Variants in SLC38A11 observed in about 807,000 individuals in gnomAD.
The protein encoded by SLC38A11 is putative sodium-coupled neutral amino acid transporter 11.
A neutral mutation model predicts 49.4 loss-of-function variants in SLC38A11; 51 were observed. The ratio of observed to expected loss-of-function variants is 1.03; its 90% CI spans 0.83 to 1.30. The LOEUF (loss-of-function observed/expected upper bound fraction) is 1.30, where lower values mean the gene tolerates loss of function less well. Among genes scored for constraint, SLC38A11 ranks in the 50% most tolerant of loss-of-function variants. SLC38A11 has a pLI of 0.00. For missense variants in SLC38A11, 574 were observed against 556.2 expected (o/e 1.03, Z -0.32); for synonymous variants, 203 against 192.9 (o/e 1.05, Z -0.43).
chr2:164,895,339 G>C lies in SLC38A11; in HGVS notation c.*3098C>G, dbSNP rs923680612. 6.6e-6 allele frequency among the ~76,000 whole-genome samples: 1 copy of C among 152,140 alleles called. No homozygotes were observed. The highest frequency in any genetic ancestry group is 1.5e-5 in the Non-Finnish European group (1 of 68,010). On this transcript the variant is annotated 3_prime_UTR_variant, in exon 12 of 12. Coordinates refer to ENST00000685975, the MANE Select transcript of SLC38A11 (RefSeq NM_001351537.2). ...CAAATTATTATCCTTGCCACAGTTAGTAAAGCATTCATGGGTACCCTCACT... is the reference window on the plus strand; with the variant it reads ...CAAATTATTATCCTTGCCACAGTTACTAAAGCATTCATGGGTACCCTCACT...
chr2:164,928,639 T>C (rs1573951832), intron 7 of SLC38A11, among the ~76,000 whole-genome samples: 1 of 152,136 alleles, frequency 6.6e-6, no homozygotes, highest in East Asian at 1.9e-4. Context: ...AAATACATTA[T>C]TATTTTATTT....
rs182797321 is a variant in SLC38A11, at chr2:164,954,705, T to G, written c.80A>C (p.Glu27Ala). The G allele has an allele frequency of 1.9e-6, 3 of 1,540,582 alleles. No individual in the cohort carries two copies. The highest frequency in any genetic ancestry group is 2.4e-5 in the South Asian group (2 of 81,866). Residue 27 changes from glutamate (E) to alanine (A), a missense_variant, in exon 2 of 12, where the codon GAG becomes GCG. Glu to Ala is a moderately radical substitution (Grantham distance 107). Coordinates refer to ENST00000685975, the MANE Select transcript of SLC38A11 (RefSeq NM_001351537.2). ...DDRETLVSEH[E>A]YKEKTCQSAA... The stretch of plus-strand genomic sequence containing the variant: ...AGACTGACAGGTTTTCTCTTTATAC[T>G]CATGTTCAGAAACAAGGGTTTCTCT...
At chr2:164,908,535 CA>C in intron 11 of SLC38A11, 104 bp downstream of exon 11, 1 of 1,088,356 alleles carries the variant, frequency 9.2e-7, no homozygotes, top group Non-Finnish European at 1.3e-6. Flanking sequence ...GATTCCACTT[CA>C]AAAGTGACAC....
At chr2:164,936,580 A>G (rs190112946) in intron 7 of SLC38A11, among the ~76,000 whole-genome samples, 300 of 152,264 alleles carry the variant, frequency 2.0e-3, no homozygotes, top group African/African-American at 6.4e-3. Context: ...TTAATGCATT[A>G]TTTATTTATT....
intron 7 of SLC38A11, among the ~76,000 whole-genome samples, chr2:164,925,747 C>T (rs564963161): frequency 1.3e-5 from 2 of 152,240 alleles, no homozygotes; most frequent in East Asian, 3.9e-4. Flanking sequence ...TTGCCCCACT[C>T]CACATTCTAA....
At chr2:164,920,696 A>G (rs1686132783) in intron 7 of SLC38A11, among the ~76,000 whole-genome samples, 1 of 152,144 alleles carries the variant, frequency 6.6e-6, no homozygotes, top group South Asian at 2.1e-4. Context: ...CAGAGATACC[A>G]GAAAGCTACC....
chr2:164,931,241 C>CCA (rs1686979877), intron 7 of SLC38A11, among the ~76,000 whole-genome samples: 2 of 74,786 alleles, frequency 2.7e-5, no homozygotes, highest in East Asian at 4.5e-4. Flanking sequence ...TGATCCCCCA[C>CCA]AAAAAAAAAA....
intron 11 of SLC38A11, among the ~76,000 whole-genome samples, chr2:164,899,971 T>C (rs997259658): frequency 1.3e-5 from 2 of 152,102 alleles, no homozygotes; most frequent in Admixed American, 6.6e-5. Context: ...CCCCTGGTAA[T>C]CACAGTTTTA....
intron 6 of SLC38A11, 65 bp from the exon 7 acceptor site, chr2:164,937,494 G>C: frequency 9.1e-7 from 1 of 1,094,282 alleles, no homozygotes; most frequent in South Asian, 1.3e-5. Context: ...AAAATGTTAA[G>C]TCTTTCTCAT....
At chr2:164,910,815 C>T (rs185149513) in intron 10 of SLC38A11, among the ~76,000 whole-genome samples, 119 of 152,180 alleles carry the variant, frequency 7.8e-4, no homozygotes, top group Admixed American at 2.6e-3. Flanking sequence ...GAAGCAAGAT[C>T]ATGTTTTACT....
intron 11 of SLC38A11, 28 bp downstream of exon 11, chr2:164,908,612 G>A: frequency 6.8e-7 from 1 of 1,463,472 alleles, no homozygotes; most frequent in East Asian, 2.5e-5. Flanking sequence ...ATTTTAGAGT[G>A]AAGGGGTAAA....
chr2:164,945,800 C>A, intron 3 of SLC38A11, 73 bp from the exon 4 acceptor site: 1 of 1,516,968 alleles, frequency 6.6e-7, no homozygotes, highest in South Asian at 1.3e-5. Context: ...ACTTAATTAC[C>A]ATCGAGAAAA....
intron 3 of SLC38A11, among the ~76,000 whole-genome samples, chr2:164,947,301 T>C (rs1183029270): frequency 6.6e-6 from 1 of 151,858 alleles, no homozygotes; most frequent in African/African-American, 2.4e-5. Context: ...CTGGCTAATT[T>C]TTGTATTTTT....
intron 3 of SLC38A11, among the ~76,000 whole-genome samples, chr2:164,947,509 CCT>C (rs1334350877): frequency 6.6e-6 from 1 of 152,040 alleles, no homozygotes; most frequent in African/African-American, 2.4e-5. Flanking sequence ...ATGTTAGTAA[CCT>C]CTAAATTTGT....
intron 7 of SLC38A11, among the ~76,000 whole-genome samples, chr2:164,933,717 A>T (rs1029418156): frequency 2.6e-5 from 4 of 151,990 alleles, no homozygotes; most frequent in Admixed American, 2.0e-4. Flanking sequence ...TGGAGTATTG[A>T]ATTTCTCATG....
Position 164,934,409 on chromosome 2 carries a change from T to C in SLC38A11, c.617+2941A>G, listed in dbSNP as rs182538293. Reference sequence around the variant, plus strand: ...TTAATCTCTTTAAACCAAGAGGCTTTAGAATCTTTGTTCATAGAATCTCCA... The same window carrying C: ...TTAATCTCTTTAAACCAAGAGGCTTCAGAATCTTTGTTCATAGAATCTCCA... On this transcript the variant is annotated intron_variant, in intron 7 of 11. Coordinates refer to ENST00000685975, the MANE Select transcript of SLC38A11 (RefSeq NM_001351537.2). Among the ~76,000 whole-genome samples the C allele has an allele frequency of 1.2e-3, 182 of 152,304 alleles. 1 individual carries two copies. Among genetic ancestry groups the C allele is most frequent in the African/African-American group, 4.3e-3 (177 of 41,568 alleles).
rs559349803 is a variant in SLC38A11 at position 164,945,726 on chromosome 2, G to GTC, written c.230-1_230dup (p.Asp77GlufsTer8). The GTC allele has an allele frequency of 1.5e-4, 233 of 1,604,162 alleles. No individual in the cohort carries two copies. The highest frequency in any genetic ancestry group is 8.3e-4 in the Middle Eastern group (5 of 6,038). ...CTTTTATCAATAAAACAAGGGAAAA[G>GTC]TCTGTGGCAAGAACATCAATTAAAT... is the stretch of plus-strand genomic sequence containing the variant. On this transcript the variant is annotated frameshift_variant and splice_region_variant, in exon 4 of 12. Transcript: ENST00000685975. LOFTEE classifies it high-confidence loss of function.
At chr2:164,927,527 G>C (rs772975153) in intron 7 of SLC38A11, among the ~76,000 whole-genome samples, 4 of 152,030 alleles carry the variant, frequency 2.6e-5, no homozygotes, top group Non-Finnish European at 5.9e-5. Flanking sequence ...CTCCCCCAGC[G>C]AATGGCAAAG....
At chr2:164,939,587 C>CTTATACCTGTAACATTTA in intron 5 of SLC38A11, 31 bp from the exon 6 acceptor site, 3 of 1,467,524 alleles carry the variant, frequency 2.0e-6, no homozygotes, top group Non-Finnish European at 2.8e-6. Flanking sequence ...TTAAATGTTA[C>CTTATACCTGTAACATTTA]AGGTATAAGT....
Sources: gnomAD v4.1 joint callset for allele counts (sites outside exome capture counted in the v4.1 genomes callset) on GRCh38, gnomAD v4.1.1 for gene constraint, MANE v1.5 for transcripts, NCBI Gene and HGNC (gene_info 2026-07-23, HGNC 2026-07-21) for gene names.